ADAMTS5: variants seen among roughly 807,000 people sequenced by gnomAD.
ADAMTS5 encodes the protein ADAM metallopeptidase with thrombospondin type 1 motif 5.
In ADAMTS5, 54 loss-of-function variants were observed where a neutral mutation model predicts 81.4. That is an observed-to-expected ratio of 0.66 (90% CI 0.53 to 0.83). The LOEUF is 0.83. Ranked by LOEUF, ADAMTS5 falls within the 40% of genes least tolerant of loss-of-function variation. The pLI, the probability that ADAMTS5 is intolerant of heterozygous loss-of-function variation, is 0.00. For synonymous variants in ADAMTS5, 532 were observed against 508.8 expected (o/e 1.05, Z -0.61); for missense variants, 1,194 against 1,229.9 (o/e 0.97, Z 0.44).
rs10671507 is a variant in ADAMTS5 at position 26,921,446 on chromosome 21, CTTTTTTTTT to C, written c.*2598_*2606del. 1 of 129,732 alleles carries C rather than the reference CTTTTTTTTT, an allele frequency of 7.7e-6. No homozygotes were observed. The highest frequency in any genetic ancestry group is 1.6e-5 in the Non-Finnish European group (1 of 61,648). The allele number at this position is 129,732 out of a possible 1,614,324, so 8.0% of individuals were successfully genotyped here. A position where few individuals can be genotyped will look rare whatever the true frequency, so the allele number is the denominator to read the frequency against. ...AAACCTGAGCATTTTCAGACGAATT[CTTTTTTTTT>C]TTTTTTTTTAAAGAAGTAGCCCCTA... On this transcript the variant is annotated 3_prime_UTR_variant, in exon 8 of 8. Transcript: ENST00000284987.
chr21:26,938,624 G>A (rs1366553783), intron 3 of ADAMTS5, among the ~76,000 whole-genome samples: 1 of 152,206 alleles, frequency 6.6e-6, no homozygotes, highest in African/African-American at 2.4e-5. Flanking sequence ...CCATCTCCCA[G>A]ATTCAAGTGA....
rs146468294 is a variant in ADAMTS5 at position 26,938,232 on chromosome 21, C to T, written c.1406-3483G>A. ...GCACTCCAGCCTGGGCAACAAAGAG[C>T]GAAACTCCGTCTCAAAAAAAAAAAG... On this transcript the variant is annotated intron_variant, in intron 3 of 7. Coordinates refer to ENST00000284987, the MANE Select transcript of ADAMTS5 (RefSeq NM_007038.5). Among the ~76,000 whole-genome samples, 1,401 of 149,402 alleles carry T rather than the reference C, an allele frequency of 9.4e-3. 17 individuals are homozygous for T. Among genetic ancestry groups the T allele is most frequent in the African/African-American group, 0.032 (1,316 of 40,530 alleles).
At chr21:26,948,300 A>C (rs1259590268) in intron 2 of ADAMTS5, among the ~76,000 whole-genome samples, 1 of 152,188 alleles carries the variant, frequency 6.6e-6, no homozygotes, top group African/African-American at 2.4e-5. Context: ...TCTGCAAATT[A>C]AACAGAATTT....
At chr21:26,965,213 A>G in intron 1 of ADAMTS5, 75 bp downstream of exon 1, 1 of 1,532,608 alleles carries the variant, frequency 6.5e-7, no homozygotes, top group Non-Finnish European at 8.8e-7. Context: ...GGGAGAAGCA[A>G]AGCCACCAGC....
intron 2 of ADAMTS5, among the ~76,000 whole-genome samples, chr21:26,947,928 A>G (rs891538589): frequency 2.0e-5 from 3 of 152,242 alleles, no homozygotes; most frequent in African/African-American, 4.8e-5. Context: ...ATGTCAGAGT[A>G]AAGTCTATAG....
At chr21:26,930,411 C>A (rs571490998) in intron 6 of ADAMTS5, among the ~76,000 whole-genome samples, 1 of 152,266 alleles carries the variant, frequency 6.6e-6, no homozygotes, top group African/African-American at 2.4e-5. Context: ...CATTTGTGTG[C>A]AGAACTGAAT....
chr21:26,934,417 A>T, intron 4 of ADAMTS5, 49 bp downstream of exon 4: 11 of 1,593,288 alleles, frequency 6.9e-6, no homozygotes, highest in Non-Finnish European at 7.7e-6. Flanking sequence ...ACAAGAATGC[A>T]CTTCACTTCT....
In ADAMTS5 at chr21:26,932,119, C is replaced by A. The variant is rs774392824; in HGVS notation, c.1934G>T (p.Gly645Val). 21 of 1,614,060 alleles carry A rather than the reference C, an allele frequency of 1.3e-5. No individual in the cohort carries two copies. In the South Asian group the frequency reaches 2.2e-4, roughly 17 times the overall value. The change falls in exon 6 of 8, where the codon GGA becomes GTA. Residue 645 changes from glycine (G) to valine (V), a missense_variant. Physicochemically the swap from Gly to Val is moderately radical, Grantham distance 109. Transcript: ENST00000284987. Reference protein sequence around the residue: ...AKNGYQSDAKGVKTFVEWVPK... With the variant: ...AKNGYQSDAKVVKTFVEWVPK... ...AACCCATTCCACAAAAGTTTTGACT[C>A]CTTTTGCATCAGACTGATAGCCATT...
chr21:26,966,314 A>G lies in ADAMTS5; in HGVS notation c.78T>C (p.Pro26=). ...GAGGCTGCCCGGCTTTATCCTGGGCAGGTGTCGCGGCGGGGCCGACCGCGG... is the reference window on the plus strand; with the variant it reads ...GAGGCTGCCCGGCTTTATCCTGGGCGGGTGTCGCGGCGGGGCCGACCGCGG... ...PLAAVGPAAT[P]AQDKAGQPPT... is the part of the protein sequence containing the mutation. The change falls in exon 1 of 8, where the codon CCT becomes CCC. Residue 26 remains proline (P), a synonymous_variant. Transcript: ENST00000284987. 1 of 1,520,084 alleles carries G rather than the reference A, an allele frequency of 6.6e-7. No individual in the cohort carries two copies. Among genetic ancestry groups the G allele is most frequent in the Admixed American group, 2.1e-5 (1 of 48,184 alleles). The allele number at this position is 1,520,084 out of a possible 1,614,324, so 94.2% of individuals were successfully genotyped here.
At chr21:26,965,007 G>A (rs1034810401) in intron 1 of ADAMTS5, among the ~76,000 whole-genome samples, 11 of 152,104 alleles carry the variant, frequency 7.2e-5, no homozygotes, top group African/African-American at 2.7e-4. Context: ...GCCTTCTTAT[G>A]TTTACGTTCC....
intron 2 of ADAMTS5, among the ~76,000 whole-genome samples, chr21:26,944,902 G>A (rs1343468896): frequency 2.6e-5 from 4 of 152,088 alleles, no homozygotes; most frequent in Admixed American, 6.6e-5. Flanking sequence ...AGGGCTCGGT[G>A]ACCTTCCAAG....
intron 2 of ADAMTS5, among the ~76,000 whole-genome samples, chr21:26,946,055 C>T (rs1987209366): frequency 6.6e-6 from 1 of 152,136 alleles, no homozygotes; most frequent in African/African-American, 2.4e-5. Flanking sequence ...GAGTCCTGGG[C>T]AATGTGAAGA....
chr21:26,965,659 A>G lies in ADAMTS5; in HGVS notation c.733T>C (p.Ser245Pro). 1.3e-6 allele frequency: 2 copies of G among 1,592,258 alleles called. No individual in the cohort carries two copies. The highest frequency in any genetic ancestry group is 2.2e-5 in the South Asian group (2 of 89,020). ...TGCGGTCCTGAGCCCCCAGCGGGCG[A>G]GAGAGCGGACTGGTCCAAGAGCTGC... is the stretch of plus-strand genomic sequence containing the variant. ...ASQLLDQSALSPAGGSGPQTW... is the reference protein window; with the variant it reads ...ASQLLDQSALPPAGGSGPQTW... The change falls in exon 1 of 8, where the codon TCG (serine) becomes CCG (proline). Residue 245 changes from serine to proline, a missense_variant. This residue lies in a region of ADAMTS5 where 498 missense variants were observed against 412.3 expected (regional missense o/e 1.21). Transcript: ENST00000284987.
At chr21:26,953,056 T>C (rs1238135810) in intron 2 of ADAMTS5, among the ~76,000 whole-genome samples, 1 of 152,230 alleles carries the variant, frequency 6.6e-6, no homozygotes, top group Non-Finnish European at 1.5e-5. Context: ...TTAATAGGCA[T>C]AAATGAGAGA....
chr21:26,950,543 A>C (rs1246471155), intron 2 of ADAMTS5, among the ~76,000 whole-genome samples: 2 of 152,254 alleles, frequency 1.3e-5, no homozygotes, highest in African/African-American at 4.8e-5. Flanking sequence ...CAACATTTAC[A>C]TGCATATAAC....
In ADAMTS5 at chr21:26,918,462, T is replaced by C. The variant is rs1220740122; in HGVS notation, c.*5591A>G. On this transcript the variant is annotated 3_prime_UTR_variant, in exon 8 of 8. Coordinates refer to ENST00000284987, the MANE Select transcript of ADAMTS5 (RefSeq NM_007038.5). Reference sequence around the variant, plus strand: ...TCAAATGCAACATATTTCTTCAGTCTATTTAGTTATCTGCAAAGTCTATTT... The same window carrying C: ...TCAAATGCAACATATTTCTTCAGTCCATTTAGTTATCTGCAAAGTCTATTT... 3.9e-5 allele frequency: 6 copies of C among 152,064 alleles called. No individual in the cohort carries two copies. The highest frequency in any genetic ancestry group is 6.6e-5 in the Admixed American group (1 of 15,252). The allele number at this position is 152,064 out of a possible 1,614,324, so 9.4% of individuals were successfully genotyped here. A position where few individuals can be genotyped will look rare whatever the true frequency, so the allele number is the denominator to read the frequency against.
At chr21:26,955,022 G>T (rs1987397504) in intron 1 of ADAMTS5, 151 bp from the exon 2 acceptor site, 2 of 899,686 alleles carry the variant, frequency 2.2e-6, no homozygotes, top group Non-Finnish European at 3.3e-6. Flanking sequence ...CAAACTCAAG[G>T]CAGAGACTCT....
intron 6 of ADAMTS5, among the ~76,000 whole-genome samples, chr21:26,931,614 A>G (rs1986907913): frequency 1.3e-5 from 2 of 152,186 alleles, no homozygotes; most frequent in South Asian, 4.1e-4. Context: ...CATCAAAGGA[A>G]TTCTTAAGTA....
chr21:26,938,647 A>G (rs1987060163), intron 3 of ADAMTS5, among the ~76,000 whole-genome samples: 1 of 152,138 alleles, frequency 6.6e-6, no homozygotes, highest in East Asian at 1.9e-4. Context: ...TTCCTGCCTC[A>G]GCCTCCTGAG....
Sources: allele counts gnomAD v4.1 joint callset (sites outside exome capture counted in the v4.1 genomes callset), GRCh38; gene constraint gnomAD v4.1.1; regional missense constraint gnomAD v4.1.1; transcripts MANE v1.5; gene names NCBI Gene and HGNC (gene_info 2026-07-23, HGNC 2026-07-21).